Variants in PTPRD observed in about 807,000 individuals in gnomAD.
PTPRD encodes the protein protein tyrosine phosphatase receptor type D.
PTPRD carries 34 observed loss-of-function variants against 214.5 expected under a neutral mutation model. The observed-to-expected ratio is 0.16, with a 90% confidence interval of 0.12 to 0.21. PTPRD has a LOEUF of 0.21. Among genes scored for constraint, PTPRD ranks in the 10% least tolerant of loss-of-function variants. The pLI, the probability that PTPRD is intolerant of heterozygous loss-of-function variation, is 1.00. For synonymous variants in PTPRD, 1,128 were observed against 845.7 expected (o/e 1.33, Z -5.79); for missense variants, 2,545 against 2,398.7 (o/e 1.06, Z -1.27).
intron 3 of PTPRD, among the ~76,000 whole-genome samples, chr9:10,321,989 C>G (rs1176100388): frequency 1.3e-5 from 2 of 151,906 alleles, no homozygotes; most frequent in Non-Finnish European, 2.9e-5. Flanking sequence ...AATATAATGG[C>G]AGAAATGGTA....
At chr9:9,179,603 A>T (rs1301673359) in intron 10 of PTPRD, among the ~76,000 whole-genome samples, 1 of 152,136 alleles carries the variant, frequency 6.6e-6, no homozygotes, top group Non-Finnish European at 1.5e-5. Context: ...CAATGTTTAG[A>T]CATTGTGGGA....
chr9:10,463,457 T>C (rs968447022), intron 2 of PTPRD, among the ~76,000 whole-genome samples: 4 of 152,060 alleles, frequency 2.6e-5, no homozygotes, highest in African/African-American at 7.2e-5. Flanking sequence ...TAAACAAGAA[T>C]AAGTTGTTTA....
chr9:9,404,868 T>G (rs916795250), intron 8 of PTPRD, among the ~76,000 whole-genome samples: 5 of 152,080 alleles, frequency 3.3e-5, no homozygotes, highest in Non-Finnish European at 5.9e-5. Context: ...TATGTGGCCC[T>G]GTGCTAGATG....
chr9:9,184,098 T>C (rs1220198563), intron 9 of PTPRD, among the ~76,000 whole-genome samples: 1 of 152,064 alleles, frequency 6.6e-6, no homozygotes, highest in Non-Finnish European at 1.5e-5. Context: ...TAAACTCTTA[T>C]TCCTCCTTCA....
At chr9:8,867,907 A>T (rs2098226968) in intron 11 of PTPRD, among the ~76,000 whole-genome samples, 1 of 152,044 alleles carries the variant, frequency 6.6e-6, no homozygotes, top group Admixed American at 6.6e-5. Flanking sequence ...GTATAATTGA[A>T]TTTTTCTAGA....
chr9:8,918,171 CA>C (rs1004127508), intron 11 of PTPRD, among the ~76,000 whole-genome samples: 6 of 152,146 alleles, frequency 3.9e-5, no homozygotes, highest in African/African-American at 1.4e-4. Context: ...CCTCCATGCT[CA>C]ATCACACTGC....
chr9:8,713,862 T>C, intron 12 of PTPRD: 3 of 1,285,488 alleles, frequency 2.3e-6, no homozygotes, highest in Non-Finnish European at 3.2e-6. Flanking sequence ...CTCGCCCGGG[T>C]GCGCCCCAAA....
chr9:8,544,723 G>A (rs946567675), intron 14 of PTPRD, among the ~76,000 whole-genome samples: 12 of 151,000 alleles, frequency 7.9e-5, no homozygotes, highest in African/African-American at 1.5e-4. Context: ...CACCATTGTC[G>A]GCCTCCCAAA....
chr9:9,275,165 CAT>C (rs1235613805), intron 9 of PTPRD, among the ~76,000 whole-genome samples: 13 of 37,484 alleles, frequency 3.5e-4, no homozygotes, highest in African/African-American at 1.4e-3. Flanking sequence ...ATATATATAA[CAT>C]ATATATAATA....
intron 25 of PTPRD, among the ~76,000 whole-genome samples, chr9:8,498,500 T>A (rs893583149): frequency 6.6e-6 from 1 of 152,106 alleles, no homozygotes; most frequent in South Asian, 2.1e-4. Context: ...ATGGTCTCGA[T>A]CTCTTGACCA....
At chr9:8,956,425 G>C (rs1266397146) in intron 11 of PTPRD, among the ~76,000 whole-genome samples, 1 of 151,830 alleles carries the variant, frequency 6.6e-6, no homozygotes, top group Non-Finnish European at 1.5e-5. Context: ...AACAAATGAA[G>C]ACATAATCTA....
At chr9:9,586,920 T>C (rs1364946128) in intron 7 of PTPRD, among the ~76,000 whole-genome samples, 2 of 152,046 alleles carry the variant, frequency 1.3e-5, no homozygotes, top group African/African-American at 2.4e-5. Flanking sequence ...TTAGCAAGCA[T>C]TTATTGAACA....
chr9:10,247,318 T>C (rs1035037448), intron 3 of PTPRD, among the ~76,000 whole-genome samples: 3 of 152,024 alleles, frequency 2.0e-5, no homozygotes, highest in Non-Finnish European at 4.4e-5. Flanking sequence ...TTTCAGAAAA[T>C]AGAAGGAAAG....
intron 5 of PTPRD, among the ~76,000 whole-genome samples, chr9:9,889,934 C>T (rs922662525): frequency 1.4e-4 from 22 of 151,934 alleles, no homozygotes; most frequent in Admixed American, 1.2e-3. Flanking sequence ...TCCTGAAGAA[C>T]GGCAGAGGGT....
chr9:10,552,138 G>A (rs1005803262), intron 2 of PTPRD, among the ~76,000 whole-genome samples: 5 of 152,108 alleles, frequency 3.3e-5, no homozygotes, highest in Admixed American at 3.3e-4. Context: ...ATTTCAAGAG[G>A]TTCATCCTCC....
chr9:9,062,638 G>A (rs1333174540), intron 10 of PTPRD, among the ~76,000 whole-genome samples: 1 of 151,936 alleles, frequency 6.6e-6, no homozygotes, highest in Admixed American at 6.6e-5. Flanking sequence ...CCAAAATTTA[G>A]CTGATTAAGC....
At chr9:9,382,152 A>AT (rs34345304) in intron 9 of PTPRD, among the ~76,000 whole-genome samples, 1 of 151,378 alleles carries the variant, frequency 6.6e-6, no homozygotes, top group East Asian at 1.9e-4. Context: ...TGTAAATGGG[A>AT]TTTTTTTTCT....
intron 10 of PTPRD, among the ~76,000 whole-genome samples, chr9:9,024,525 C>T (rs1176317028): frequency 1.3e-5 from 2 of 151,442 alleles, no homozygotes; most frequent in African/African-American, 2.4e-5. Context: ...AAGGTAATAA[C>T]ATTTATCACT....
intron 5 of PTPRD, among the ~76,000 whole-genome samples, chr9:9,779,822 T>C (rs1355850754): frequency 6.6e-6 from 1 of 152,208 alleles, no homozygotes; most frequent in Non-Finnish European, 1.5e-5. Context: ...GTAAATTAGT[T>C]CAGCCACTTG....
Sources: allele counts gnomAD v4.1 joint callset (sites outside exome capture counted in the v4.1 genomes callset), GRCh38; gene constraint gnomAD v4.1.1; transcripts MANE v1.5; gene names NCBI Gene and HGNC (gene_info 2026-07-23, HGNC 2026-07-21).